The following KDM6A variants were observed in gnomAD, a reference collection of about 807,000 sequenced individuals.
KDM6A encodes the protein lysine demethylase 6A, also known as lysine-specific demethylase 6A.
KDM6A carries 11 observed loss-of-function variants against 117.6 expected under a neutral mutation model. The observed-to-expected ratio is 0.09, with a 90% CI of 0.06 to 0.15. KDM6A has a LOEUF of 0.15. KDM6A is among the 10% of genes least tolerant of loss of function. The pLI, the probability that KDM6A is intolerant of heterozygous loss-of-function variation, is 1.00. For missense variants in KDM6A, 799 were observed against 1,077.3 expected (o/e 0.74, Z 3.62); for synonymous variants, 384 against 396.1 (o/e 0.97, Z 0.36).
chrX:44,990,140 G>A (rs1445709744), intron 4 of KDM6A, among the ~76,000 whole-genome samples: 1 of 112,139 alleles, frequency 8.9e-6, no homozygotes, highest in Admixed American at 9.5e-5. Context: ...TCTTAGATTT[G>A]TCCATATCTT....
In KDM6A at chrX:45,073,134, G is replaced by A. The variant is rs765335077; in HGVS notation, c.2858+2777G>A. Among the ~76,000 whole-genome samples, 12 of 110,380 alleles carry A rather than the reference G, an allele frequency of 1.1e-4. No individual in the cohort carries two copies. The East Asian group carries it at 1.1e-3, about 10-fold the overall frequency. ...GAGAACATGCAGTATTTGGTTTTCC[G>A]TCCTTGTGATAATTTGCTCAGAATG... On this transcript the variant is annotated intron_variant, in intron 18 of 29. Coordinates refer to ENST00000611820, the MANE Select transcript of KDM6A (RefSeq NM_001291415.2).
intron 2 of KDM6A, among the ~76,000 whole-genome samples, chrX:44,878,921 C>T (rs774749793): frequency 2.1e-4 from 23 of 110,608 alleles, no homozygotes; most frequent in African/African-American, 5.9e-4. Context: ...GGGGTTTCAC[C>T]GTGTTGGCCA....
At chrX:45,006,736 G>A (rs923705610) in intron 4 of KDM6A, among the ~76,000 whole-genome samples, 5 of 111,136 alleles carry the variant, frequency 4.5e-5, no homozygotes, top group African/African-American at 1.6e-4. Flanking sequence ...GTAAAGGATT[G>A]AACATACTGA....
chrX:44,975,706 T>C (rs951023804), intron 4 of KDM6A, among the ~76,000 whole-genome samples: 1 of 112,156 alleles, frequency 8.9e-6, no homozygotes, highest in East Asian at 2.8e-4. Flanking sequence ...TTTTCAGAGC[T>C]GTGCAGCTGA....
chrX:45,110,048 A>G (rs755441440), intron 28 of KDM6A, 31 bp from the exon 29 acceptor site: 7 of 1,165,889 alleles, frequency 6.0e-6, no homozygotes, highest in Non-Finnish European at 8.2e-6. Flanking sequence ...CACTATCTCT[A>G]TTGAATACGT....
At chrX:45,043,749 G>A (rs970213041) in intron 8 of KDM6A, among the ~76,000 whole-genome samples, 2 of 111,303 alleles carry the variant, frequency 1.8e-5, no homozygotes, top group African/African-American at 6.5e-5. Context: ...CTGCACGCCA[G>A]CCTGGATGAC....
At chrX:44,974,795 TCTTG>T in intron 4 of KDM6A, 80 bp downstream of exon 4, 2 of 731,308 alleles carry the variant, frequency 2.7e-6, no homozygotes, top group Non-Finnish European at 4.3e-6. Flanking sequence ...TTAATTGAGC[TCTTG>T]CTTTTTTTTG....
At chrX:44,921,114 C>T (rs982797926) in intron 2 of KDM6A, among the ~76,000 whole-genome samples, 3 of 110,948 alleles carry the variant, frequency 2.7e-5, no homozygotes, top group African/African-American at 6.5e-5. Context: ...ACCTTGTGAT[C>T]TGCCTGCCTC....
chrX:44,873,910 GTC>G lies in KDM6A; in HGVS notation c.162-12_162-11del, dbSNP rs774436229. On this transcript the variant is annotated splice_polypyrimidine_tract_variant and intron_variant, in intron 1 of 29. Transcript: ENST00000611820. ...CCCTGAGCGTTAACGAGTAAACTGTGTCTGTCTCCACAGCCGCCTCTTTGGGT... is the reference window on the plus strand; with the variant it reads ...CCCTGAGCGTTAACGAGTAAACTGTGTGTCTCCACAGCCGCCTCTTTGGGT... The G allele has an allele frequency of 5.8e-6, 7 of 1,207,883 alleles. No homozygotes were observed. The African/African-American group carries it at 1.2e-4, about 21-fold the overall frequency.
intron 2 of KDM6A, among the ~76,000 whole-genome samples, chrX:44,957,473 GA>G (rs1287276028): frequency 8.9e-6 from 1 of 112,177 alleles, no homozygotes; most frequent in Admixed American, 9.5e-5. Context: ...TCAGAGTTTA[GA>G]AATACGGGGT....
chrX:44,911,715 ACTGCACTCCAGC>A (rs2035188090), intron 2 of KDM6A, among the ~76,000 whole-genome samples: 1 of 111,567 alleles, frequency 9.0e-6, no homozygotes, highest in Non-Finnish European at 1.9e-5. Flanking sequence ...AGATCACGCC[ACTGCACTCCAGC>A]CTGGGCAACA....
At position 45,070,333 on chromosome X, in the gene KDM6A, C is replaced by T. The variant is rs1556331046; in HGVS notation, c.2834C>T (p.Ser945Leu). 1 of 1,211,023 alleles carries T rather than the reference C, an allele frequency of 8.3e-7. No individual in the cohort carries two copies. Among genetic ancestry groups the T allele is most frequent in the Non-Finnish European group, 1.1e-6 (1 of 894,863 alleles). Reference protein sequence around the residue: ...PSMSVSIYPSSAEVLKACRNL... With the variant: ...PSMSVSIYPSLAEVLKACRNL... ...ATGTCTGTGTCCATATACCCCAGCT[C>T]AGCAGAAGTTCTGAAGGCATGCAGG... The change falls in exon 18 of 30, where the codon TCA becomes TTA. Residue 945 changes from serine (S) to leucine (L), a missense_variant. Physicochemically the swap from Ser to Leu is moderately radical, Grantham distance 145. Transcript: ENST00000611820.
At chrX:45,078,103 G>A (rs2045218435) in intron 19 of KDM6A, among the ~76,000 whole-genome samples, 1 of 112,164 alleles carries the variant, frequency 8.9e-6, no homozygotes, top group Non-Finnish European at 1.9e-5. Flanking sequence ...TGTCAAGATT[G>A]TCTTTTCATT....
chrX:44,897,117 A>G (rs1210071137), intron 2 of KDM6A, among the ~76,000 whole-genome samples: 1 of 104,052 alleles, frequency 9.6e-6, no homozygotes, highest in Non-Finnish European at 2.0e-5. Context: ...ATTTTTGTCC[A>G]TAGGTCCCTG....
At chrX:44,891,120 G>A (rs1318971693) in intron 2 of KDM6A, among the ~76,000 whole-genome samples, 2 of 110,231 alleles carry the variant, frequency 1.8e-5, no homozygotes, top group East Asian at 5.7e-4. Flanking sequence ...TCTCCCGCTC[G>A]CTCTATAACT....
intron 2 of KDM6A, among the ~76,000 whole-genome samples, chrX:44,949,403 A>AG (rs1374712741): frequency 1.8e-5 from 2 of 112,098 alleles, no homozygotes; most frequent in Non-Finnish European, 3.8e-5. Context: ...AAAGAAAAAA[A>AG]CAAAAAGATT....
intron 6 of KDM6A, among the ~76,000 whole-genome samples, chrX:45,023,115 T>C (rs2042236407): frequency 8.9e-6 from 1 of 112,187 alleles, no homozygotes; most frequent in South Asian, 3.7e-4. Context: ...ATGTGGTTGC[T>C]CTTAGACTAG....
intron 2 of KDM6A, among the ~76,000 whole-genome samples, chrX:44,881,968 G>C (rs185552084): frequency 1.8e-5 from 2 of 111,050 alleles, no homozygotes; most frequent in East Asian, 5.6e-4. Context: ...GATTACAAGC[G>C]TGAGCCACCA....
intron 3 of KDM6A, among the ~76,000 whole-genome samples, chrX:44,974,235 G>A (rs1246675529): frequency 1.8e-5 from 2 of 111,295 alleles, no homozygotes; most frequent in African/African-American, 6.5e-5. Flanking sequence ...AGAGAGTTGA[G>A]GGAGCCAATT....
Sources: allele counts gnomAD v4.1 joint callset (sites outside exome capture counted in the v4.1 genomes callset), GRCh38; gene constraint gnomAD v4.1.1; transcripts MANE v1.5; gene names NCBI Gene and HGNC (gene_info 2026-07-23, HGNC 2026-07-21).